Variants in LAMB4 observed in about 807,000 individuals in gnomAD.
LAMB4 encodes laminin subunit beta-4.
A neutral mutation model predicts 199.2 loss-of-function variants in LAMB4; 196 were observed. That is an observed-to-expected ratio of 0.98 (90% confidence interval 0.88 to 1.11). The LOEUF (loss-of-function observed/expected upper bound fraction) is 1.11. LAMB4 is among the 50% of genes least tolerant of loss of function. LAMB4 has a pLI of 0.00. For synonymous variants in LAMB4, 744 were observed against 770.6 expected (o/e 0.97, Z 0.57); for missense variants, 2,080 against 2,171.2 (o/e 0.96, Z 0.83).
At chr7:108,028,139 T>G (rs1237660441) in intron 33 of LAMB4, among the ~76,000 whole-genome samples, 1 of 152,160 alleles carries the variant, frequency 6.6e-6, no homozygotes, top group Non-Finnish European at 1.5e-5. Context: ...TAGATCAAAA[T>G]CCTTGTCTAG....
Position 108,043,430 on chromosome 7 carries a change from A to T in LAMB4, c.4471+322T>A, listed in dbSNP as rs575484894. On this transcript the variant is annotated intron_variant, in intron 29 of 33. Coordinates refer to ENST00000388781, the MANE Select transcript of LAMB4 (RefSeq NM_007356.3). ...TTACAGAAAGCTGTAATTTTTTGGC[A>T]CAGAGTTGGTATTTTGAGATTATTC... 3.9e-5 allele frequency among the ~76,000 whole-genome samples: 6 copies of T among 152,190 alleles called. No homozygotes were observed. In the East Asian group the frequency reaches 5.8e-4, roughly 15 times the overall value.
rs1247311795 is a variant in LAMB4, at chr7:108,023,841, T to C, written c.*198A>G. On this transcript the variant is annotated 3_prime_UTR_variant, in exon 34 of 34. Transcript: ENST00000388781. ...GAAACCAGAGACAATTTCATTACTT[T>C]CCCCTTTCAATTATGAAGTGGCATT... The C allele has an allele frequency of 3.2e-5, 12 of 372,782 alleles. No individual in the cohort carries two copies. 23.1% of individuals were successfully genotyped at this position (372,782 alleles called of 1,614,324 possible). A position where few individuals can be genotyped will look rare whatever the true frequency, so the allele number is the denominator to read the frequency against.
intron 16 of LAMB4, 35 bp from the exon 17 acceptor site, chr7:108,077,099 A>C (rs764673136): frequency 6.2e-7 from 1 of 1,605,786 alleles, no homozygotes; most frequent in Non-Finnish European, 8.5e-7. Context: ...AATTCAGACC[A>C]CAGAAATACA....
intron 21 of LAMB4, 130 bp downstream of exon 21, chr7:108,065,632 A>C (rs1239770931): frequency 1.6e-6 from 1 of 626,480 alleles, no homozygotes; most frequent in Non-Finnish European, 2.6e-6. Flanking sequence ...GCTATTTATC[A>C]CATTGTGTCT....
chr7:108,016,523 A>G, the LAMB4 span, among the ~76,000 whole-genome samples: 1 of 152,082 alleles, frequency 6.6e-6, no homozygotes, highest in African/African-American at 2.4e-5. Flanking sequence ...GCCTCAAGTG[A>G]TCCGCCTGCT....
intron 10 of LAMB4, among the ~76,000 whole-genome samples, chr7:108,102,170 C>T (rs1054025908): frequency 9.9e-5 from 15 of 151,954 alleles, no homozygotes; most frequent in African/African-American, 3.6e-4. Flanking sequence ...ACTGTAGCAT[C>T]CAAAGAAAAA....
intron 16 of LAMB4, among the ~76,000 whole-genome samples, chr7:108,077,419 G>T (rs1239462858): frequency 3.3e-5 from 5 of 152,176 alleles, no homozygotes; most frequent in Non-Finnish European, 7.3e-5. Flanking sequence ...TTGCGGCAGG[G>T]CATGGTGGCT....
chr7:108,026,788 G>T, intron 33 of LAMB4: 1 of 420,446 alleles, frequency 2.4e-6, no homozygotes, highest in South Asian at 1.9e-5. Context: ...CTGGGATCCA[G>T]GGGCTCCTCT....
chr7:108,102,433 C>T (rs755579796), intron 10 of LAMB4, among the ~76,000 whole-genome samples: 40 of 151,818 alleles, frequency 2.6e-4, no homozygotes, highest in Non-Finnish European at 5.1e-4. Context: ...ATGAGTTTAC[C>T]ACTAGCAAGG....
Position 108,049,311 on chromosome 7 carries a change from A to G in LAMB4, c.4122+15T>C, listed in dbSNP as rs2035753257. ...AAACCACAAATGCTTTGACCTTACC[A>G]TCATGAATATTTACCTTTTCATTCA... On this transcript the variant is annotated intron_variant, in intron 27 of 33. Transcript: ENST00000388781. The G allele has an allele frequency of 7.2e-7, 1 of 1,384,686 alleles. No homozygotes were observed. The highest frequency in any genetic ancestry group is 2.3e-5 in the East Asian group (1 of 43,380). The allele number at this position is 1,384,686 out of a possible 1,614,324, so 85.8% of individuals were successfully genotyped here.
Position 108,024,141 on chromosome 7 carries a change from T to A in LAMB4, c.5184A>T (p.Arg1728Ser). 1 of 1,587,182 alleles carries A rather than the reference T, an allele frequency of 6.3e-7. No individual in the cohort carries two copies. Among genetic ancestry groups the A allele is most frequent in the Non-Finnish European group, 8.6e-7 (1 of 1,163,828 alleles). The change falls in exon 34 of 34, where the codon AGA (arginine) becomes AGT (serine). Residue 1728 changes from arginine (R) to serine (S), a missense_variant. Physicochemically the swap from Arg to Ser is moderately radical, Grantham distance 110. Transcript: ENST00000388781. ...TTCTCAGTTGATCAGCTTTTGCTTG[T>A]CTACTTAGATTCAAATCTTGGATTT... is the stretch of plus-strand genomic sequence containing the variant. ...ERKIQDLNLS[R>S]QAKADQLRIL...
chr7:108,116,572 C>T (rs773868183), intron 2 of LAMB4, among the ~76,000 whole-genome samples: 6 of 152,124 alleles, frequency 3.9e-5, no homozygotes, highest in Non-Finnish European at 5.9e-5. Context: ...GAAACTAAAA[C>T]GAACAAAACA....
intron 18 of LAMB4, among the ~76,000 whole-genome samples, chr7:108,068,814 C>T (rs1165631057): frequency 6.6e-6 from 1 of 152,160 alleles, no homozygotes; most frequent in Admixed American, 6.5e-5. Context: ...ATGCCTCAGC[C>T]TCCCGAGTAG....
intron 12 of LAMB4, among the ~76,000 whole-genome samples, chr7:108,094,658 A>G (rs1234281897): frequency 1.3e-5 from 2 of 151,892 alleles, no homozygotes; most frequent in Admixed American, 1.3e-4. Flanking sequence ...TGAACTCCCC[A>G]ATTGCATCAT....
In LAMB4 at chr7:108,103,052, G is replaced by A. The variant is rs564523593; in HGVS notation, c.1172C>T (p.Ala391Val). ...DPLKTISDPY[A>V]CIPCECDPDG... ...CAGACCCGGGGACTCACGAATGCAC[G>A]CGTAGGGATCTGAGATGGTCTTGAG... The change falls in exon 10 of 34, where the codon GCG becomes GTG. Residue 391 changes from alanine (A) to valine (V), a missense_variant. Ala to Val is a moderately conservative substitution (Grantham distance 64). Coordinates refer to ENST00000388781, the MANE Select transcript of LAMB4 (RefSeq NM_007356.3). The A allele has an allele frequency of 5.2e-5, 83 of 1,589,564 alleles. No homozygotes were observed. The South Asian group carries it at 7.6e-4, about 15-fold the overall frequency.
At position 108,095,255 on chromosome 7, in the gene LAMB4, G is replaced by A. The variant is rs1358066828; in HGVS notation, c.1443C>T (p.Val481=). Residue 481 remains valine, a synonymous_variant, in exon 12 of 34, where the codon GTC becomes GTT. Transcript: ENST00000388781. ...DTGQCLCLSY[V]TGAHCEECTV... is the part of the protein sequence containing the mutation. ...TGCATTCTTCGCAGTGTGCTCCGGT[G>A]ACATATGACAGGCACAAGCATTGGC... is the stretch of plus-strand genomic sequence containing the variant. 6.2e-7 allele frequency: 1 copy of A among 1,613,798 alleles called. No homozygotes were observed. Among genetic ancestry groups the A allele is most frequent in the Non-Finnish European group, 8.5e-7 (1 of 1,179,762 alleles).
At chr7:108,032,045 G>T (rs1407374825) in intron 31 of LAMB4, among the ~76,000 whole-genome samples, 1 of 152,002 alleles carries the variant, frequency 6.6e-6, no homozygotes, top group Non-Finnish European at 1.5e-5. Flanking sequence ...AATATCCTCT[G>T]TCTGTTGTGT....
At chr7:108,118,082 T>G (rs1266890141) in intron 2 of LAMB4, among the ~76,000 whole-genome samples, 1 of 152,154 alleles carries the variant, frequency 6.6e-6, no homozygotes, top group African/African-American at 2.4e-5. Context: ...CAAGATGGAG[T>G]TGTTCTGGTT....
At chr7:108,125,222 T>C (rs2038735343) in intron 1 of LAMB4, among the ~76,000 whole-genome samples, 2 of 152,142 alleles carry the variant, frequency 1.3e-5, no homozygotes, top group Admixed American at 1.3e-4. Context: ...CACCCGAACC[T>C]GCACAGGCAC....
Sources: gnomAD v4.1 joint callset for allele counts (sites outside exome capture counted in the v4.1 genomes callset) on GRCh38, gnomAD v4.1.1 for gene constraint, MANE v1.5 for transcripts, NCBI Gene and HGNC (gene_info 2026-07-23, HGNC 2026-07-21) for gene names.